RDX: variants seen among roughly 807,000 people sequenced by gnomAD.
RDX encodes radixin.
A neutral mutation model predicts 83.7 loss-of-function variants in RDX; 32 were observed. The ratio of observed to expected loss-of-function variants is 0.38; its 90% CI spans 0.29 to 0.51. RDX has a LOEUF of 0.51. Ranked by LOEUF, RDX falls within the 20% of genes least tolerant of loss-of-function variation. The pLI is 0.87. For synonymous variants in RDX, 229 were observed against 222.7 expected (o/e 1.03, Z -0.25); for missense variants, 600 against 689.9 (o/e 0.87, Z 1.46).
intron 1 of RDX, among the ~76,000 whole-genome samples, chr11:110,291,635 A>T (rs1861248999): frequency 6.6e-6 from 1 of 152,142 alleles, no homozygotes; most frequent in South Asian, 2.1e-4. Flanking sequence ...TGATACCCCA[A>T]CCTCAGCATT....
At chr11:110,251,272 A>G (rs1027481404) in intron 9 of RDX, among the ~76,000 whole-genome samples, 2 of 152,230 alleles carry the variant, frequency 1.3e-5, no homozygotes, top group African/African-American at 2.4e-5. Flanking sequence ...ACTTTAGAAT[A>G]TCTTACTTTT....
At chr11:110,218,386 G>A (rs1864133598) in intron 14 of RDX, among the ~76,000 whole-genome samples, 2 of 152,102 alleles carry the variant, frequency 1.3e-5, no homozygotes, top group Non-Finnish European at 2.9e-5. Context: ...TGGCACTGGT[G>A]GTCACATGCA....
rs1434178485 is a variant in RDX at position 110,279,712 on chromosome 11, C to T, written c.-20G>A. ...CGGCATTTTCTTTCTCTTTTTGTTA[C>T]CTTCTTTAAAAATTCTCCACTTCAA... On this transcript the variant is annotated 5_prime_UTR_variant, in exon 2 of 14. Transcript: ENST00000645495. The T allele has an allele frequency of 5.3e-6, 8 of 1,509,162 alleles. No individual in the cohort carries two copies. The highest frequency in any genetic ancestry group is 1.7e-5 in the Admixed American group (1 of 59,498). The allele number at this position is 1,509,162 out of a possible 1,614,324, so 93.5% of individuals were successfully genotyped here.
intron 1 of RDX, among the ~76,000 whole-genome samples, chr11:110,290,024 T>C (rs902269783): frequency 6.2e-5 from 9 of 145,034 alleles, no homozygotes; most frequent in Admixed American, 4.9e-4. Flanking sequence ...CATTATTCCA[T>C]GTACTCACCA....
intron 10 of RDX, among the ~76,000 whole-genome samples, chr11:110,239,962 C>T (rs1474520953): frequency 1.3e-5 from 2 of 151,984 alleles, no homozygotes; most frequent in African/African-American, 4.8e-5. Context: ...ATATAGAGTC[C>T]TCAAAAAACT....
At chr11:110,251,515 T>A (rs551508421) in intron 9 of RDX, among the ~76,000 whole-genome samples, 1 of 152,168 alleles carries the variant, frequency 6.6e-6, no homozygotes, top group Non-Finnish European at 1.5e-5. Flanking sequence ...ATCTGTTCGA[T>A]TGAGTGTTAG....
At chr11:110,201,165 A>C (rs558142699) in intron 14 of RDX, among the ~76,000 whole-genome samples, 40 of 145,396 alleles carry the variant, frequency 2.8e-4, no homozygotes, top group African/African-American at 1.0e-3. Context: ...AAGAAGAGCA[A>C]AACTCCCGTC....
In RDX at chr11:110,224,032, C is replaced by CA. The variant is rs200715758; in HGVS notation, c.1748+7840dup. 3.6e-4 allele frequency among the ~76,000 whole-genome samples: 54 copies of CA among 149,062 alleles called. No homozygotes were observed. The East Asian group carries it at 6.8e-3, about 19-fold the overall frequency. On this transcript the variant is annotated intron_variant, in intron 14 of 15. Transcript: ENST00000528498. ...AAGAGTGAAACTCCATCTCAAAAAA[C>CA]AAAAAAAAAGAAAAGAAAGAAATCT... is the stretch of plus-strand genomic sequence containing the variant.
At position 110,279,697 on chromosome 11, in the gene RDX, T is replaced by G; in HGVS notation, c.-5A>C. The G allele has an allele frequency of 6.5e-7, 1 of 1,527,074 alleles. No homozygotes were observed. The highest frequency in any genetic ancestry group is 2.3e-5 in the East Asian group (1 of 44,336). The allele number at this position is 1,527,074 out of a possible 1,614,324, so 94.6% of individuals were successfully genotyped here. A position where few individuals can be genotyped will look rare whatever the true frequency, so the allele number is the denominator to read the frequency against. On this transcript the variant is annotated 5_prime_UTR_variant, in exon 2 of 14. Transcript: ENST00000645495. ...TACACTTACTGGTTTCGGCATTTTC[T>G]TTCTCTTTTTGTTACCTTCTTTAAA...
intron 1 of RDX, among the ~76,000 whole-genome samples, chr11:110,292,885 C>T (rs1304086100): frequency 1.3e-5 from 2 of 152,166 alleles, no homozygotes; most frequent in Non-Finnish European, 2.9e-5. Context: ...CTATTTCCCA[C>T]ACCAAATTAT....
At chr11:110,277,262 G>A (rs981832706) in intron 2 of RDX, among the ~76,000 whole-genome samples, 8 of 146,266 alleles carry the variant, frequency 5.5e-5, no homozygotes, top group Non-Finnish European at 9.1e-5. Context: ...CAATAAAGTC[G>A]CAGCTGCTCC....
At chr11:110,188,378 G>A (rs1479078067) in intron 15 of RDX, among the ~76,000 whole-genome samples, 1 of 151,678 alleles carries the variant, frequency 6.6e-6, no homozygotes, top group Non-Finnish European at 1.5e-5. Flanking sequence ...TGGAGCTGGA[G>A]ACCATTATTT....
intron 15 of RDX, among the ~76,000 whole-genome samples, chr11:110,189,123 T>C (rs148367061): frequency 1.0e-3 from 152 of 151,468 alleles, no homozygotes; most frequent in African/African-American, 3.1e-3. Context: ...TGACATTTAA[T>C]GACACCCATA....
At chr11:110,215,505 G>C (rs181858750) in intron 14 of RDX, among the ~76,000 whole-genome samples, 1 of 152,024 alleles carries the variant, frequency 6.6e-6, no homozygotes, top group East Asian at 1.9e-4. Flanking sequence ...GAAAACAGGA[G>C]CACTAAACTG....
At chr11:110,226,237 T>C (rs1199557702), downstream of RDX, among the ~76,000 whole-genome samples, 1 of 152,120 alleles carries the variant, frequency 6.6e-6, no homozygotes, top group African/African-American at 2.4e-5. Context: ...TAAGCGTCCA[T>C]CAATAACAGA....
At chr11:110,289,163 G>A (rs937405146) in intron 1 of RDX, among the ~76,000 whole-genome samples, 3 of 151,398 alleles carry the variant, frequency 2.0e-5, no homozygotes, top group Admixed American at 1.3e-4. Flanking sequence ...ACTTGAACCT[G>A]GGAGGCCGAG....
At chr11:110,207,012 G>C (rs1565290821) in intron 14 of RDX, among the ~76,000 whole-genome samples, 1 of 151,976 alleles carries the variant, frequency 6.6e-6, no homozygotes, top group Non-Finnish European at 1.5e-5. Flanking sequence ...TCGCTCTGTT[G>C]CCCAGGCTGG....
intron 15 of RDX, among the ~76,000 whole-genome samples, chr11:110,189,242 G>GAAAAAAAAAAAAAAAAAAAAAAAA (rs1565282257): frequency 7.9e-5 from 3 of 38,000 alleles, no homozygotes; most frequent in African/African-American, 3.7e-4. Flanking sequence ...TGAACAACAG[G>GAAAAAAAAAAAAAAAAAAAAAAAA]TAAAAAAAAA....
chr11:110,269,641 C>A (rs1235469568), intron 3 of RDX, among the ~76,000 whole-genome samples: 1 of 152,102 alleles, frequency 6.6e-6, no homozygotes, highest in East Asian at 1.9e-4. Flanking sequence ...CATTTGAGTT[C>A]AAGGAAAGTT....
Sources: gnomAD v4.1 joint callset for allele counts (sites outside exome capture counted in the v4.1 genomes callset) on GRCh38, gnomAD v4.1.1 for gene constraint, MANE v1.5 for transcripts, NCBI Gene and HGNC (gene_info 2026-07-23, HGNC 2026-07-21) for gene names.